CADPS2: variants seen among roughly 807,000 people sequenced by gnomAD.
CADPS2 encodes the protein calcium dependent secretion activator 2, also known as calcium-dependent secretion activator 2.
In CADPS2, 93 loss-of-function variants were observed where a neutral mutation model predicts 172.5. That is an observed-to-expected ratio of 0.54 (90% CI 0.46 to 0.64). CADPS2 has a LOEUF of 0.64. Ranked by LOEUF, CADPS2 falls within the 30% of genes least tolerant of loss-of-function variation. CADPS2 has a pLI of 0.00. For missense variants in CADPS2, 1,420 were observed against 1,565.9 expected (o/e 0.91, Z 1.57); for synonymous variants, 546 against 555.2 (o/e 0.98, Z 0.23).
intron 6 of CADPS2, among the ~76,000 whole-genome samples, chr7:122,595,706 C>A (rs1000388889): frequency 2.2e-4 from 34 of 151,866 alleles, no homozygotes; most frequent in African/African-American, 7.0e-4. Flanking sequence ...TTTTTTCTTT[C>A]CTAAATGACA....
chr7:122,777,112 T>C (rs972162914), intron 1 of CADPS2, among the ~76,000 whole-genome samples: 1 of 152,064 alleles, frequency 6.6e-6, no homozygotes, highest in African/African-American at 2.4e-5. Flanking sequence ...GATCATGCCA[T>C]TGCACTCCAG....
chr7:122,681,369 C>G, intron 2 of CADPS2: 1 of 1,500,574 alleles, frequency 6.7e-7, no homozygotes, highest in Non-Finnish European at 9.2e-7. Flanking sequence ...CGGCCACGTG[C>G]AACCTGTTCG....
chr7:122,572,280 C>T (rs2067373664), intron 7 of CADPS2, among the ~76,000 whole-genome samples: 1 of 152,112 alleles, frequency 6.6e-6, no homozygotes, highest in Admixed American at 6.6e-5. Flanking sequence ...TGTGGTACAA[C>T]TTTTCTTAAA....
rs1004247742 is a variant in CADPS2, at chr7:122,344,697, C to T, written c.3612+877G>A. On this transcript the variant is annotated intron_variant, in intron 28 of 29. Coordinates refer to ENST00000449022, the MANE Select transcript of CADPS2 (RefSeq NM_017954.11). ...TTAAAACATCTTATAGTAGGGACCA[C>T]ATCCATTAGAACATGATTCTGTTTA... Among the ~76,000 whole-genome samples, 7 of 152,286 alleles carry T rather than the reference C, an allele frequency of 4.6e-5. No individual in the cohort carries two copies. In the East Asian group the frequency reaches 1.4e-3, roughly 29 times the overall value.
At chr7:122,617,736 G>T (rs2075087687) in intron 5 of CADPS2, among the ~76,000 whole-genome samples, 1 of 152,088 alleles carries the variant, frequency 6.6e-6, no homozygotes, top group African/African-American at 2.4e-5. Flanking sequence ...ATCAATGAAA[G>T]AATTCAGTCT....
intron 1 of CADPS2, among the ~76,000 whole-genome samples, chr7:122,847,521 T>C (rs927997540): frequency 6.6e-6 from 1 of 152,262 alleles, no homozygotes; most frequent in Non-Finnish European, 1.5e-5. Context: ...GGCCATTTTA[T>C]TGTATTGTTC....
In CADPS2 at chr7:122,608,833, T is replaced by C. The variant is rs544856491; in HGVS notation, c.1223+6348A>G. Among the ~76,000 whole-genome samples, 34 of 152,224 alleles carry C rather than the reference T, an allele frequency of 2.2e-4. No homozygotes were observed. The South Asian group carries it at 5.4e-3, about 24-fold the overall frequency. On this transcript the variant is annotated intron_variant, in intron 6 of 29. Transcript: ENST00000449022. ...ACTGATATTTAATTGCCTACTGTGATTATCAGTGCACTTATATTTTATTGT... is the reference window on the plus strand; with the variant it reads ...ACTGATATTTAATTGCCTACTGTGACTATCAGTGCACTTATATTTTATTGT...
chr7:122,822,542 A>G (rs1011328173), intron 1 of CADPS2, among the ~76,000 whole-genome samples: 1 of 148,678 alleles, frequency 6.7e-6, no homozygotes, highest in Non-Finnish European at 1.5e-5. Flanking sequence ...TAATATAAGA[A>G]GGCAGAAATG....
chr7:122,452,347 C>G (rs767150182), intron 14 of CADPS2, among the ~76,000 whole-genome samples: 1 of 152,066 alleles, frequency 6.6e-6, no homozygotes, highest in Non-Finnish European at 1.5e-5. Flanking sequence ...ACAAAATAAA[C>G]CTTTTGCACT....
At position 122,520,382 on chromosome 7, in the gene CADPS2, TC is replaced by T. The variant is rs530952579; in HGVS notation, c.1476-7068del. On this transcript the variant is annotated intron_variant, in intron 8 of 29. Transcript: ENST00000449022. Reference sequence around the variant, plus strand: ...TAGATTCATATGTAATATTCTGATTTCTTTTCTTTTAAGCCAAAAACATCAG... The same window carrying T: ...TAGATTCATATGTAATATTCTGATTTTTTTCTTTTAAGCCAAAAACATCAG... 4.1e-4 allele frequency among the ~76,000 whole-genome samples: 62 copies of T among 152,106 alleles called. 1 individual carries two copies. Among genetic ancestry groups the T allele is most frequent in the Non-Finnish European group, 8.0e-4 (54 of 67,908 alleles).
At chr7:122,428,410 T>C (rs1029545167) in intron 17 of CADPS2, among the ~76,000 whole-genome samples, 2 of 151,458 alleles carry the variant, frequency 1.3e-5, no homozygotes, top group African/African-American at 4.8e-5. Context: ...ATTAAACCTC[T>C]GCCCTTGAGT....
chr7:122,376,267 T>G (rs1190100691), intron 25 of CADPS2, among the ~76,000 whole-genome samples: 7 of 152,298 alleles, frequency 4.6e-5, no homozygotes, highest in South Asian at 4.1e-4. Flanking sequence ...CAGAGAGATA[T>G]CTGCACTCTC....
At chr7:122,361,965 C>T (rs370489771) in intron 25 of CADPS2, among the ~76,000 whole-genome samples, 42 of 152,060 alleles carry the variant, frequency 2.8e-4, no homozygotes, top group African/African-American at 8.4e-4. Context: ...CTTAGCTACT[C>T]GGGAGGCTGA....
intron 26 of CADPS2, 41 bp downstream of exon 26, chr7:122,360,889 C>G: frequency 6.2e-7 from 1 of 1,603,194 alleles, no homozygotes; most frequent in African/African-American, 1.3e-5. Flanking sequence ...ACTATGACAA[C>G]AGTTAAAAGA....
chr7:122,560,626 T>C (rs898484830), intron 7 of CADPS2, among the ~76,000 whole-genome samples: 2 of 152,174 alleles, frequency 1.3e-5, no homozygotes, highest in African/African-American at 4.8e-5. Context: ...CAAACAGGTG[T>C]CCTTGAGACA....
intron 6 of CADPS2, among the ~76,000 whole-genome samples, chr7:122,595,768 G>T (rs1377636101): frequency 6.6e-6 from 1 of 152,042 alleles, no homozygotes; most frequent in Non-Finnish European, 1.5e-5. Context: ...AGTAGAATGG[G>T]AGCAATAGGG....
At chr7:122,651,622 CATG>C (rs2079153860) in intron 3 of CADPS2, among the ~76,000 whole-genome samples, 1 of 152,050 alleles carries the variant, frequency 6.6e-6, no homozygotes, top group African/African-American at 2.4e-5. Context: ...AGTCTTCAGA[CATG>C]AAGAATTTGA....
chr7:122,802,358 T>C (rs985688073), intron 1 of CADPS2, among the ~76,000 whole-genome samples: 1 of 152,254 alleles, frequency 6.6e-6, no homozygotes, highest in Non-Finnish European at 1.5e-5. Context: ...CCTCAGGCCC[T>C]GCCTAATGCA....
intron 2 of CADPS2, among the ~76,000 whole-genome samples, chr7:122,691,989 A>C (rs941438047): frequency 2.6e-5 from 4 of 152,150 alleles, no homozygotes; most frequent in Admixed American, 2.6e-4. Flanking sequence ...GGGTTCAGAG[A>C]CTAGTGGATT....
Sources: allele counts gnomAD v4.1 joint callset (sites outside exome capture counted in the v4.1 genomes callset), GRCh38; gene constraint gnomAD v4.1.1; transcripts MANE v1.5; gene names NCBI Gene and HGNC (gene_info 2026-07-23, HGNC 2026-07-21).